The following NGLY1 variants were observed in gnomAD, a reference collection of about 807,000 sequenced individuals.
The protein encoded by NGLY1 is peptide-N(4)-(N-acetyl-beta-glucosaminyl)asparagine amidase.
A neutral mutation model predicts 84.6 loss-of-function variants in NGLY1; 68 were observed. The ratio of observed to expected loss-of-function variants is 0.80; its 90% CI spans 0.66 to 0.98. The LOEUF (loss-of-function observed/expected upper bound fraction) is 0.98, where lower values mean the gene tolerates loss of function less well. Among genes scored for constraint, NGLY1 ranks in the 50% least tolerant of loss-of-function variants. NGLY1 has a pLI of 0.00. For synonymous variants in NGLY1, 280 were observed against 275.2 expected, an observed-to-expected ratio of 1.02 and a Z score of -0.17; for missense variants, 779 against 770.2, an observed-to-expected ratio of 1.01 and a Z score of -0.14.
chr3:25,770,166 T>C (rs1419251021), intron 2 of NGLY1, among the ~76,000 whole-genome samples: 1 of 152,226 alleles, frequency 6.6e-6, no homozygotes, highest in Non-Finnish European at 1.5e-5. Context: ...ACTTTTTTGT[T>C]TGAGACAGAG....
chr3:25,736,547 T>G, intron 6 of NGLY1: 3 of 570,712 alleles, frequency 5.3e-6, no homozygotes, highest in East Asian at 5.9e-5. Context: ...ATAGAATCTC[T>G]GGTCAATACA....
At chr3:25,768,322 A>G (rs1707716403) in intron 2 of NGLY1, among the ~76,000 whole-genome samples, 2 of 151,648 alleles carry the variant, frequency 1.3e-5, no homozygotes, top group African/African-American at 4.8e-5. Context: ...GTTACTCGGA[A>G]GACTGAGGCA....
chr3:25,754,514 A>G (rs927472537), intron 3 of NGLY1, among the ~76,000 whole-genome samples: 14 of 152,186 alleles, frequency 9.2e-5, no homozygotes, highest in Non-Finnish European at 8.8e-5. Flanking sequence ...AAGAGACTTA[A>G]GCAAGAAGAG....
chr3:25,783,136 GGTCCCGGTCTGTCCGGGCGTC>G lies in NGLY1; in HGVS notation c.131+103_131+123del, dbSNP rs1306420230. 3.6e-4 allele frequency: 324 copies of G among 892,120 alleles called. 1 individual carries two copies. The Admixed American group carries it at 8.8e-3, about 24-fold the overall frequency. The allele number at this position is 892,120 out of a possible 1,614,324, so 55.3% of individuals were successfully genotyped here. On this transcript the variant is annotated intron_variant, in intron 1 of 11. Transcript: ENST00000280700. The surrounding 1 kb of genome is among the most constrained non-coding windows in gnomAD (Gnocchi z 4.5). ...GACGTTAGGAGCAGAACCAGCTCCA[GGTCCCGGTCTGTCCGGGCGTC>G]GCTGCCCTCTGAAGCTCAGGCCGGA...
rs1706995035 is a variant in NGLY1, at chr3:25,755,504, T to C, written c.493-4241A>G. 2.1e-6 allele frequency: 3 copies of C among 1,461,560 alleles called. No homozygotes were observed. The African/African-American group carries it at 4.2e-5, about 20-fold the overall frequency. The allele number at this position is 1,461,560 out of a possible 1,614,324, so 90.5% of individuals were successfully genotyped here. ...AGATTCCACCTTCTCGGTCCACACC[T>C]GTCAAACCAGTTCCTGCAATAACTG... On this transcript the variant is annotated intron_variant, in intron 3 of 11. Coordinates refer to ENST00000280700, the MANE Select transcript of NGLY1 (RefSeq NM_018297.4).
intron 2 of NGLY1, among the ~76,000 whole-genome samples, chr3:25,765,733 T>C (rs1707531418): frequency 6.6e-6 from 1 of 152,166 alleles, no homozygotes; most frequent in Non-Finnish European, 1.5e-5. Flanking sequence ...TTCTAAGTAC[T>C]GTGCTAGGCA....
intron 3 of NGLY1, among the ~76,000 whole-genome samples, chr3:25,760,233 T>C (rs913036411): frequency 6.6e-6 from 1 of 152,178 alleles, no homozygotes; most frequent in African/African-American, 2.4e-5. Context: ...TGTTTGTGTA[T>C]GGCCTTCCAA....
chr3:25,749,640 G>A (rs1344085803), intron 4 of NGLY1: 4 of 1,461,250 alleles, frequency 2.7e-6, no homozygotes, highest in Non-Finnish European at 3.8e-6. Context: ...AGGTTCAAGA[G>A]CCAGATCTTG....
chr3:25,781,589 G>A (rs1708420274), intron 1 of NGLY1, among the ~76,000 whole-genome samples: 1 of 152,082 alleles, frequency 6.6e-6, no homozygotes, highest in Admixed American at 6.6e-5. Context: ...TGCGCTCATT[G>A]TCACACCCCT....
intron 3 of NGLY1, among the ~76,000 whole-genome samples, chr3:25,756,982 T>A (rs1174553181): frequency 2.6e-5 from 4 of 152,244 alleles, no homozygotes; most frequent in African/African-American, 9.6e-5. Flanking sequence ...AGACCTGTTT[T>A]GTTTTTCTTA....
In NGLY1 at chr3:25,733,863, A is replaced by AC; in HGVS notation, c.1260+8dup. 2.5e-6 allele frequency: 4 copies of AC among 1,577,154 alleles called. No individual in the cohort carries two copies. Among genetic ancestry groups the AC allele is most frequent in the Non-Finnish European group, 3.5e-6 (4 of 1,158,188 alleles). On this transcript the variant is annotated intron_variant, in intron 8 of 11. Coordinates refer to ENST00000280700, the MANE Select transcript of NGLY1 (RefSeq NM_018297.4). ...AACTGTTCTTTCAAAAAAGATAGCC[A>AC]CACCATACCTGCTTATTAAGCCCAT...
intron 10 of NGLY1, among the ~76,000 whole-genome samples, chr3:25,723,052 G>C (rs909461406): frequency 3.3e-5 from 5 of 152,130 alleles, no homozygotes; most frequent in Non-Finnish European, 7.3e-5. Flanking sequence ...TATATTTTCA[G>C]AGCTCACTAG....
chr3:25,728,546 G>A (rs1158778819), intron 10 of NGLY1, among the ~76,000 whole-genome samples: 2 of 152,098 alleles, frequency 1.3e-5, no homozygotes, highest in African/African-American at 4.8e-5. Flanking sequence ...GTTACTGATA[G>A]CATGTGACGA....
Position 25,764,096 on chromosome 3 carries a change from C to T in NGLY1, c.462G>A (p.Gly154=), listed in dbSNP as rs1707440230. The change falls in exon 3 of 12, where the codon GGG becomes GGA. Residue 154 remains glycine, a synonymous_variant. Transcript: ENST00000280700. ...AAGCAGATGGTGGATCTGATGACTGCCCTTGACGGTTCCTTGTGTGCTGGT... is the reference window on the plus strand; with the variant it reads ...AAGCAGATGGTGGATCTGATGACTGTCCTTGACGGTTCCTTGTGTGCTGGT... The part of the protein sequence containing the change: ...GLNQHTRNRQ[G]QSSDPPSAST... 5 of 1,614,138 alleles carry T rather than the reference C, an allele frequency of 3.1e-6. No homozygotes were observed. Among genetic ancestry groups the T allele is most frequent in the Middle Eastern group, 1.7e-4 (1 of 6,060 alleles).
Position 25,772,461 on chromosome 3 carries a change from C to T in NGLY1, c.246+6113G>A, listed in dbSNP as rs191301985. On this transcript the variant is annotated intron_variant, in intron 2 of 11. Coordinates refer to ENST00000280700, the MANE Select transcript of NGLY1 (RefSeq NM_018297.4). ...CTGTTTTGTCTAAGAATAGTTACTCCTGCTGGCTTTTGGTTTTCATTTGCA... is the reference window on the plus strand; with the variant it reads ...CTGTTTTGTCTAAGAATAGTTACTCTTGCTGGCTTTTGGTTTTCATTTGCA... Among the ~76,000 whole-genome samples the T allele has an allele frequency of 9.2e-5, 14 of 152,214 alleles. No individual in the cohort carries two copies. In the South Asian group the frequency reaches 2.1e-3, roughly 23 times the overall value.
Position 25,764,149 on chromosome 3 carries a change from T to G in NGLY1, c.409A>C (p.Thr137Pro), listed in dbSNP as rs372479316. ...AACCCACTGGGATTTGAAGATGGTG[T>G]TGTAGGAAGCTGGGTACTGGCTGCA... ...QPAASTQLPT[T>P]PSSNPSGLNQ... The change falls in exon 3 of 12, where the codon ACA (threonine) becomes CCA (proline). Residue 137 changes from threonine (T) to proline (P), a missense_variant. Coordinates refer to ENST00000280700, the MANE Select transcript of NGLY1 (RefSeq NM_018297.4). 1.9e-6 allele frequency: 3 copies of G among 1,614,196 alleles called. No homozygotes were observed. The highest frequency in any genetic ancestry group is 2.5e-6 in the Non-Finnish European group (3 of 1,180,022).
chr3:25,760,861 A>C (rs915739622), intron 3 of NGLY1, among the ~76,000 whole-genome samples: 15 of 2,168 alleles, frequency 6.9e-3, no homozygotes, highest in African/African-American at 9.4e-3. Flanking sequence ...ACTCTGTCTC[A>C]AAAAAAAAAA....
intron 4 of NGLY1, among the ~76,000 whole-genome samples, chr3:25,742,648 T>C (rs1386769898): frequency 2.0e-5 from 3 of 152,126 alleles, no homozygotes; most frequent in Non-Finnish European, 2.9e-5. Flanking sequence ...AGGACTGTCA[T>C]TCTCCTTCTC....
rs1222524262 is a variant in NGLY1, at chr3:25,719,015, ATAATT to A, written c.*440_*444del. 1 of 152,358 alleles carries A rather than the reference ATAATT, an allele frequency of 6.6e-6. No individual in the cohort carries two copies. Among genetic ancestry groups the A allele is most frequent in the Non-Finnish European group, 1.5e-5 (1 of 68,148 alleles). 9.4% of individuals were successfully genotyped at this position (152,358 alleles called of 1,614,324 possible). A position where few individuals can be genotyped will look rare whatever the true frequency, so the allele number is the denominator to read the frequency against. The stretch of plus-strand genomic sequence containing the variant: ...AATCATATAAATTTTCATGCATTAT[ATAATT>A]TATGAGCTACTGTACTTTCACATTA... On this transcript the variant is annotated 3_prime_UTR_variant, in exon 12 of 12. Transcript: ENST00000280700.
Sources: gnomAD v4.1 joint callset for allele counts (sites outside exome capture counted in the v4.1 genomes callset) on GRCh38, gnomAD v4.1.1 for gene constraint, Gnocchi (gnomAD v3.1) non-coding constraint, MANE v1.5 for transcripts, NCBI Gene and HGNC (gene_info 2026-07-23, HGNC 2026-07-21) for gene names.